The following LARP1B variants were observed in gnomAD, a reference collection of about 807,000 sequenced individuals.
LARP1B encodes la-related protein 1B.
Under a neutral mutation model 114.2 loss-of-function variants are expected in LARP1B, and 76 were observed. That is an observed-to-expected ratio of 0.67 (90% CI 0.55 to 0.81). The LOEUF is 0.81. Among genes scored for constraint, LARP1B ranks in the 30% least tolerant of loss-of-function variants. The pLI is 0.00. For synonymous variants in LARP1B, 345 were observed against 348.0 expected (o/e 0.99, Z 0.10); for missense variants, 1,014 against 1,075.8 (o/e 0.94, Z 0.80).
chr4:128,125,514 G>A (rs1363820471), intron 11 of LARP1B, among the ~76,000 whole-genome samples: 2 of 152,242 alleles, frequency 1.3e-5, no homozygotes, highest in Non-Finnish European at 2.9e-5. Context: ...TCGGGAGGCC[G>A]ATGTGGGTGG....
chr4:128,172,223 C>T (rs763358342), intron 12 of LARP1B, among the ~76,000 whole-genome samples: 18 of 151,708 alleles, frequency 1.2e-4, no homozygotes, highest in Non-Finnish European at 2.4e-4. Context: ...TTGATTCTGG[C>T]TGCTTTTAAT....
At chr4:128,204,325 A>T (rs1228315569) in intron 17 of LARP1B, among the ~76,000 whole-genome samples, 1 of 152,044 alleles carries the variant, frequency 6.6e-6, no homozygotes, top group Non-Finnish European at 1.5e-5. Context: ...TAATAGGGTG[A>T]CTATAGTCAA....
intron 5 of LARP1B, among the ~76,000 whole-genome samples, chr4:128,085,353 CTTTTTT>C (rs35260726): frequency 2.8e-4 from 24 of 85,832 alleles, no homozygotes; most frequent in Admixed American, 2.5e-3. Flanking sequence ...CCTTAGCTTC[CTTTTTT>C]TTTTTTTTTT....
chr4:128,107,659 G>T, intron 9 of LARP1B: 1 of 1,427,204 alleles, frequency 7.0e-7, no homozygotes, highest in South Asian at 1.6e-5. Flanking sequence ...TTCTAAAAAG[G>T]TCTTATACTC....
intron 9 of LARP1B, among the ~76,000 whole-genome samples, chr4:128,111,879 C>T (rs1342181184): frequency 7.3e-5 from 11 of 150,286 alleles, no homozygotes; most frequent in Admixed American, 2.0e-4. Context: ...TTAGTAGAGA[C>T]GGGGTTTCAC....
intron 12 of LARP1B, among the ~76,000 whole-genome samples, chr4:128,170,836 G>C (rs1273272042): frequency 6.8e-6 from 1 of 146,360 alleles, no homozygotes; most frequent in Non-Finnish European, 1.5e-5. Context: ...TTTGGATTTA[G>C]GTCAACCTTT....
chr4:128,200,753 T>A (rs1755685845), intron 17 of LARP1B, 88 bp downstream of exon 17: 1 of 937,494 alleles, frequency 1.1e-6, no homozygotes, highest in Non-Finnish European at 1.6e-6. Context: ...TAGAGGGAGT[T>A]TTTAGAAAAT....
In LARP1B at chr4:128,069,641, C is replaced by T. The variant is rs143015397; in HGVS notation, c.-77-4819C>T. The T allele has an allele frequency of 9.1e-5, 56 of 616,058 alleles. 1 individual carries two copies. The African/African-American group carries it at 9.3e-4, about 10-fold the overall frequency. 38.2% of individuals were successfully genotyped at this position (616,058 alleles called of 1,614,324 possible). ...GGCTTACCTGATGGCTGCTGCTAGACAGAAGGGGCACGGATTCTTTTATTA... is the reference window on the plus strand; with the variant it reads ...GGCTTACCTGATGGCTGCTGCTAGATAGAAGGGGCACGGATTCTTTTATTA... On this transcript the variant is annotated intron_variant, in intron 1 of 19. Transcript: ENST00000326639.
chr4:128,183,642 G>A (rs1240576575), intron 15 of LARP1B, among the ~76,000 whole-genome samples: 1 of 152,110 alleles, frequency 6.6e-6, no homozygotes, highest in Non-Finnish European at 1.5e-5. Context: ...ATTCCAAGGA[G>A]TCATTTTAAC....
intron 5 of LARP1B, among the ~76,000 whole-genome samples, chr4:128,086,918 C>T (rs191709272): frequency 6.6e-6 from 1 of 152,176 alleles, no homozygotes; most frequent in Non-Finnish European, 1.5e-5. Context: ...AGCCACTGCA[C>T]CCTGGCCCAT....
At chr4:128,108,375 AT>A in intron 9 of LARP1B, 7 of 988,436 alleles carry the variant, frequency 7.1e-6, no homozygotes, top group Non-Finnish European at 8.4e-6. Flanking sequence ...AAACTCAGAT[AT>A]TGTCATGATG....
intron 12 of LARP1B, among the ~76,000 whole-genome samples, chr4:128,172,147 AT>A (rs898477989): frequency 6.7e-6 from 1 of 149,992 alleles, no homozygotes; most frequent in Admixed American, 6.6e-5. Flanking sequence ...TTGGCTGATT[AT>A]TTTTTTTCAA....
intron 1 of LARP1B, 79 bp downstream of exon 1, chr4:128,061,480 C>A (rs1003390666): frequency 5.9e-6 from 1 of 170,076 alleles, no homozygotes. Flanking sequence ...GAGGACGGGG[C>A]CGGCGGGCGG....
Position 128,082,244 on chromosome 4 carries a change from C to A in LARP1B, c.297C>A (p.Ser99Arg). 1 of 1,613,456 alleles carries A rather than the reference C, an allele frequency of 6.2e-7. No individual in the cohort carries two copies. The highest frequency in any genetic ancestry group is 8.5e-7 in the Non-Finnish European group (1 of 1,179,716). The change falls in exon 5 of 20, where the codon AGC becomes AGA. Residue 99 changes from serine (S) to arginine (R), a missense_variant. Coordinates refer to ENST00000326639, the MANE Select transcript of LARP1B (RefSeq NM_018078.4). ...ESQERPGSRN[S>R]SRCQPEANKP... ...AAGAAAGACCTGGATCCCGGAACAG[C>A]TCAAGATGTCAACCTGAAGCAAATA... is the stretch of plus-strand genomic sequence containing the variant.
At chr4:128,108,735 A>G (rs1580494846) in intron 9 of LARP1B, 1 of 985,020 alleles carries the variant, frequency 1.0e-6, no homozygotes, top group East Asian at 1.1e-4. Flanking sequence ...TGGGTCCAAG[A>G]TGATAGTTTT....
chr4:128,081,251 G>A (rs992390858), intron 4 of LARP1B, among the ~76,000 whole-genome samples: 3 of 151,094 alleles, frequency 2.0e-5, no homozygotes, highest in African/African-American at 4.9e-5. Flanking sequence ...GCTGATTTTT[G>A]TATTTTTAGT....
chr4:128,098,767 ATTTT>A (rs869184167), intron 8 of LARP1B, among the ~76,000 whole-genome samples: 391 of 34,950 alleles, frequency 0.011, 12 homozygotes, highest in African/African-American at 0.041. Flanking sequence ...ATATATATAT[ATTTT>A]TTTTTTTTTT....
Position 128,211,553 on chromosome 4 carries a change from A to G in LARP1B, c.*1500A>G, listed in dbSNP as rs1758986807. 1.1e-6 allele frequency: 1 copy of G among 924,936 alleles called. No homozygotes were observed. Among genetic ancestry groups the G allele is most frequent in the Non-Finnish European group, 1.3e-6 (1 of 775,012 alleles). The allele number at this position is 924,936 out of a possible 1,614,324, so 57.3% of individuals were successfully genotyped here. A position where few individuals can be genotyped will look rare whatever the true frequency, so the allele number is the denominator to read the frequency against. The stretch of plus-strand genomic sequence containing the variant: ...AATAGTCAAATTTGAATATTCAGAA[A>G]ATAAATTTATTTAGATATATTGTAA... On this transcript the variant is annotated 3_prime_UTR_variant, in exon 20 of 20. Transcript: ENST00000326639.
At chr4:128,191,997 T>C (rs1284980834) in intron 15 of LARP1B, among the ~76,000 whole-genome samples, 1 of 152,194 alleles carries the variant, frequency 6.6e-6, no homozygotes, top group Non-Finnish European at 1.5e-5. Flanking sequence ...CAGTTCTCTG[T>C]GGCTCACGGG....
Sources: allele counts gnomAD v4.1 joint callset (sites outside exome capture counted in the v4.1 genomes callset), GRCh38; gene constraint gnomAD v4.1.1; transcripts MANE v1.5; gene names NCBI Gene and HGNC (gene_info 2026-07-23, HGNC 2026-07-21).